RRAS: variants seen among roughly 807,000 people sequenced by gnomAD.
The protein encoded by RRAS is RAS related, also known as ras-related protein R-Ras.
In RRAS, 18 loss-of-function variants were observed where a neutral mutation model predicts 23.3. The observed-to-expected ratio is 0.77, with a 90% confidence interval of 0.53 to 1.15. RRAS has a LOEUF of 1.15. RRAS is among the 50% of genes most tolerant of loss of function. The pLI is 0.00. For missense variants in RRAS, 291 were observed against 317.1 expected, an observed-to-expected ratio of 0.92 and a Z score of 0.62; for synonymous variants, 133 against 138.3, an observed-to-expected ratio of 0.96 and a Z score of 0.27.
rs780638908 is a variant in RRAS, at chr19:49,636,877, G to A, written c.291C>T (p.Tyr97=). 18 of 1,613,338 alleles carry A rather than the reference G, an allele frequency of 1.1e-5. 1 individual carries two copies. The East Asian group carries it at 3.1e-4, about 28-fold the overall frequency. ...GCAGGAAGCCGTGGCCAGCACGCAT[G>A]TACTGCTCTCTCATGGCCCCGAACT... ...QEEFGAMREQ[Y]MRAGHGFLLV... is the part of the protein sequence containing the mutation. The change falls in exon 3 of 6, where the codon TAC becomes TAT. Residue 97 remains tyrosine, a synonymous_variant. Transcript: ENST00000246792. The surrounding 1 kb of genome is among the most constrained non-coding windows in gnomAD (Gnocchi z 4.5).
In RRAS at chr19:49,635,826, G is replaced by A. The variant is rs1353880358; in HGVS notation, c.480C>T (p.Phe160=). Reference sequence around the variant, plus strand: ...AGTAGGCCACGTGGTGGGAGGCGCCGAAGGCAGAGGCTTCTGATCGGGGGA... The same window carrying A: ...AGTAGGCCACGTGGTGGGAGGCGCCAAAGGCAGAGGCTTCTGATCGGGGGA... ...RQVPRSEASA[F]GASHHVAYFE... The change falls in exon 5 of 6, where the codon TTC becomes TTT. Residue 160 remains phenylalanine, a synonymous_variant. Transcript: ENST00000246792. 23 of 1,528,998 alleles carry A rather than the reference G, an allele frequency of 1.5e-5. No homozygotes were observed. The Middle Eastern group carries it at 1.2e-3, about 82-fold the overall frequency. 94.7% of individuals were successfully genotyped at this position (1,528,998 alleles called of 1,614,324 possible). A position where few individuals can be genotyped will look rare whatever the true frequency, so the allele number is the denominator to read the frequency against.
chr19:49,640,105 A>G lies in RRAS; in HGVS notation c.-7T>C, dbSNP rs1174108907. 1 of 1,380,238 alleles carries G rather than the reference A, an allele frequency of 7.2e-7. No homozygotes were observed. Among genetic ancestry groups the G allele is most frequent in the African/African-American group, 1.5e-5 (1 of 64,954 alleles). The allele number at this position is 1,380,238 out of a possible 1,614,324, so 85.5% of individuals were successfully genotyped here. ...ACGCCGCCCCGCTGCTCATGTCGCC[A>G]CCGCTGCTGCTGCCTTCGCTACCGC... On this transcript the variant is annotated 5_prime_UTR_variant, in exon 1 of 6. Transcript: ENST00000246792.
At position 49,636,814 on chromosome 19, in the gene RRAS, C is replaced by T. The variant is rs776363868; in HGVS notation, c.344+10G>A. On this transcript the variant is annotated intron_variant, in intron 3 of 5. Coordinates refer to ENST00000246792, the MANE Select transcript of RRAS (RefSeq NM_006270.5). The surrounding 1 kb of genome is among the most constrained non-coding windows in gnomAD (Gnocchi z 4.5). ...CCACCCACTGCTCCGCCACCAGCAA[C>T]CCCTGTCACCTCTGCCGGTCGTTAA... The T allele has an allele frequency of 5.6e-6, 9 of 1,612,256 alleles. No individual in the cohort carries two copies. Among genetic ancestry groups the T allele is most frequent in the South Asian group, 1.1e-5 (1 of 91,066 alleles).
intron 1 of RRAS, among the ~76,000 whole-genome samples, chr19:49,639,438 CA>C (rs60691134): frequency 4.1e-4 from 49 of 120,358 alleles, no homozygotes; most frequent in East Asian, 7.0e-4. Flanking sequence ...GACTCTGTCT[CA>C]AAAAAAAAAA....
chr19:49,638,607 G>C (rs1293614680), intron 1 of RRAS, among the ~76,000 whole-genome samples: 1 of 152,130 alleles, frequency 6.6e-6, no homozygotes, highest in Non-Finnish European at 1.5e-5. Context: ...CCCTGGGAGG[G>C]ATTGTGGCTC....
At chr19:49,635,879 T>C in intron 4 of RRAS, 27 bp from the exon 5 acceptor site, 1 of 1,160,388 alleles carries the variant, frequency 8.6e-7, no homozygotes, top group South Asian at 1.3e-5. Flanking sequence ...CACGGGGGAG[T>C]CAGGTCCCTG....
At chr19:49,639,417 AGAGT>A (rs1352022424) in intron 1 of RRAS, among the ~76,000 whole-genome samples, 10 of 144,380 alleles carry the variant, frequency 6.9e-5, no homozygotes, top group Admixed American at 3.5e-4. Context: ...CCTGGGTGAC[AGAGT>A]GAGTGAGACT....
Position 49,636,690 on chromosome 19 carries a change from G to A in RRAS, c.382C>T (p.Arg128Trp), listed in dbSNP as rs1379523599. The A allele has an allele frequency of 4.3e-6, 7 of 1,614,126 alleles. No individual in the cohort carries two copies. The highest frequency in any genetic ancestry group is 5.1e-6 in the Non-Finnish European group (6 of 1,179,986). Residue 128 changes from arginine to tryptophan, a missense_variant, in exon 4 of 6, where the codon CGG becomes TGG. By Grantham distance (101) the Arg-to-Trp change is moderately radical. Transcript: ENST00000246792. This position sits in a 1 kb window ranked among gnomAD's most constrained non-coding sequence, Gnocchi z 4.5. ...EVGKLFTQIL[R>W]VKDRDDFPVV... ...GGGAAGTCGTCGCGGTCCTTGACCC[G>A]CAGAATCTGCGTGAAGAGCTTGCCC... is the stretch of plus-strand genomic sequence containing the variant.
intron 4 of RRAS, 67 bp from the exon 5 acceptor site, chr19:49,635,919 G>A: frequency 1.2e-6 from 1 of 809,818 alleles, no homozygotes; most frequent in Non-Finnish European, 2.0e-6. Context: ...CAGAGAGACA[G>A]ACAGGCAGGC....
At position 49,636,954 on chromosome 19, in the gene RRAS, T is replaced by C; in HGVS notation, c.242-28A>G. 6.2e-7 allele frequency: 1 copy of C among 1,609,482 alleles called. No individual in the cohort carries two copies. The highest frequency in any genetic ancestry group is 8.5e-7 in the Non-Finnish European group (1 of 1,176,778). The stretch of plus-strand genomic sequence containing the variant: ...GCAGAGACAGGGAGAGGGGCCATCG[T>C]GGGGACCAGGCTCCCCGCAGTCACC... On this transcript the variant is annotated intron_variant, in intron 2 of 5. Transcript: ENST00000246792. This position sits in a 1 kb window ranked among gnomAD's most constrained non-coding sequence, Gnocchi z 4.5.
intron 1 of RRAS, among the ~76,000 whole-genome samples, chr19:49,638,590 G>A (rs1404086160): frequency 6.6e-6 from 1 of 152,128 alleles, no homozygotes; most frequent in Non-Finnish European, 1.5e-5. Context: ...AGGCTGTAAG[G>A]ATCAAGCCCT....
chr19:49,636,620 T>G lies in RRAS; in HGVS notation c.452A>C (p.Gln151Pro). ...GNKADLESQRQVPRSEASAFG... is the reference protein window; with the variant it reads ...GNKADLESQRPVPRSEASAFG... ...CCCAGAAAGAGGGGTGTCCCGAACCTGGCGCTGTGACTCCAGATCTGCCTT... is the reference window on the plus strand; with the variant it reads ...CCCAGAAAGAGGGGTGTCCCGAACCGGGCGCTGTGACTCCAGATCTGCCTT... The change falls in exon 4 of 6, where the codon CAG becomes CCG. Residue 151 changes from glutamine (Q) to proline (P), a missense_variant and splice_region_variant. Transcript: ENST00000246792. The surrounding 1 kb of genome is among the most constrained non-coding windows in gnomAD (Gnocchi z 4.5). The G allele has an allele frequency of 6.2e-7, 1 of 1,612,152 alleles. No individual in the cohort carries two copies. Among genetic ancestry groups the G allele is most frequent in the Non-Finnish European group, 8.5e-7 (1 of 1,178,222 alleles).
chr19:49,635,859 G>GT lies in RRAS; in HGVS notation c.454-8dup. On this transcript the variant is annotated splice_polypyrimidine_tract_variant and splice_region_variant and intron_variant, in intron 4 of 5. Transcript: ENST00000246792. ...AGGCTTCTGATCGGGGGACCTGGGGGTAGGGGGGACACGGGGGAGTCAGGT... is the reference window on the plus strand; with the variant it reads ...AGGCTTCTGATCGGGGGACCTGGGGGTTAGGGGGGACACGGGGGAGTCAGGT... The GT allele has an allele frequency of 2.8e-6, 3 of 1,066,382 alleles. No individual in the cohort carries two copies. The highest frequency in any genetic ancestry group is 2.8e-6 in the Non-Finnish European group (2 of 716,144). The allele number at this position is 1,066,382 out of a possible 1,614,324, so 66.1% of individuals were successfully genotyped here.
In RRAS at chr19:49,636,232, G is replaced by A. The variant is rs941629057; in HGVS notation, c.454-380C>T. Among the ~76,000 whole-genome samples the A allele has an allele frequency of 2.0e-5, 3 of 152,030 alleles. No homozygotes were observed. The highest frequency in any genetic ancestry group is 2.4e-5 in the African/African-American group (1 of 41,364). The stretch of plus-strand genomic sequence containing the variant: ...TGATGGGAGCAGGGAAAGGAGGGGC[G>A]CAACTGTGCGGGGCATCTGGCACCT... On this transcript the variant is annotated intron_variant, in intron 4 of 5. Coordinates refer to ENST00000246792, the MANE Select transcript of RRAS (RefSeq NM_006270.5). The surrounding 1 kb of genome is among the most constrained non-coding windows in gnomAD (Gnocchi z 4.5).
chr19:49,636,470 C>T lies in RRAS; in HGVS notation c.453+149G>A, dbSNP rs536459574. ...GGTGATGCCGGGGACCCTGAAGGTC[C>T]AGTTTGGGGGTAACCCATCTAGGTG... On this transcript the variant is annotated intron_variant, in intron 4 of 5. Transcript: ENST00000246792. The surrounding 1 kb of genome is among the most constrained non-coding windows in gnomAD (Gnocchi z 4.5). The T allele has an allele frequency of 8.5e-5, 57 of 671,010 alleles. No individual in the cohort carries two copies. Among genetic ancestry groups the T allele is most frequent in the Non-Finnish European group, 1.5e-4 (56 of 372,022 alleles). The allele number at this position is 671,010 out of a possible 1,614,324, so 41.6% of individuals were successfully genotyped here.
chr19:49,636,553 G>T lies in RRAS; in HGVS notation c.453+66C>A. Reference sequence around the variant, plus strand: ...GGAACAGAGGAGGATGCTGATGGGGGACAGGTGTGCTGGAAGGAGCCTCCC... The same window carrying T: ...GGAACAGAGGAGGATGCTGATGGGGTACAGGTGTGCTGGAAGGAGCCTCCC... On this transcript the variant is annotated intron_variant, in intron 4 of 5. Coordinates refer to ENST00000246792, the MANE Select transcript of RRAS (RefSeq NM_006270.5). This position sits in a 1 kb window ranked among gnomAD's most constrained non-coding sequence, Gnocchi z 4.5. 9.1e-7 allele frequency: 1 copy of T among 1,093,426 alleles called. No homozygotes were observed. The highest frequency in any genetic ancestry group is 1.4e-6 in the Non-Finnish European group (1 of 706,250). 67.7% of individuals were successfully genotyped at this position (1,093,426 alleles called of 1,614,324 possible).
intron 1 of RRAS, among the ~76,000 whole-genome samples, chr19:49,638,987 T>C (rs548934841): frequency 1.3e-5 from 2 of 151,756 alleles, no homozygotes; most frequent in East Asian, 3.9e-4. Flanking sequence ...GTCTTGGAGA[T>C]TTCTGGAATG....
In RRAS at chr19:49,636,677, C is replaced by A; in HGVS notation, c.395G>T (p.Arg132Leu). The A allele has an allele frequency of 6.2e-7, 1 of 1,614,148 alleles. No homozygotes were observed. The highest frequency in any genetic ancestry group is 1.3e-5 in the African/African-American group (1 of 75,048). ...LFTQILRVKDRDDFPVVLVGN... is the reference protein window; with the variant it reads ...LFTQILRVKDLDDFPVVLVGN... ...GACCAACACAACGGGGAAGTCGTCGCGGTCCTTGACCCGCAGAATCTGCGT... is the reference window on the plus strand; with the variant it reads ...GACCAACACAACGGGGAAGTCGTCGAGGTCCTTGACCCGCAGAATCTGCGT... The change falls in exon 4 of 6, where the codon CGC becomes CTC. Residue 132 changes from arginine to leucine, a missense_variant. Physicochemically the swap from Arg to Leu is moderately radical, Grantham distance 102. Coordinates refer to ENST00000246792, the MANE Select transcript of RRAS (RefSeq NM_006270.5). This position sits in a 1 kb window ranked among gnomAD's most constrained non-coding sequence, Gnocchi z 4.5.
Position 49,640,066 on chromosome 19 carries a change from C to T in RRAS, c.33G>A (p.Arg11=). ...CAGGTCCCCCGCCCCGGGGCCGCCC[C>T]CGCCCTGTCCCGGACGCCGCCCCGC... MSSGAASGTG[R]GRPRGGGPGP... Residue 11 remains arginine (R), a synonymous_variant, in exon 1 of 6, where the codon CGG becomes CGA. Coordinates refer to ENST00000246792, the MANE Select transcript of RRAS (RefSeq NM_006270.5). 3.5e-6 allele frequency: 5 copies of T among 1,435,880 alleles called. No homozygotes were observed. The highest frequency in any genetic ancestry group is 2.7e-6 in the Non-Finnish European group (3 of 1,108,174). 88.9% of individuals were successfully genotyped at this position (1,435,880 alleles called of 1,614,324 possible). A position where few individuals can be genotyped will look rare whatever the true frequency, so the allele number is the denominator to read the frequency against.
Sources: gnomAD v4.1 joint callset for allele counts (sites outside exome capture counted in the v4.1 genomes callset) on GRCh38, gnomAD v4.1.1 for gene constraint, Gnocchi (gnomAD v3.1) non-coding constraint, MANE v1.5 for transcripts, NCBI Gene and HGNC (gene_info 2026-07-23, HGNC 2026-07-21) for gene names.